Variants in PDCD2 observed in about 807,000 individuals in gnomAD.
PDCD2 encodes the protein uS5 assembly chaperone PDCD2.
PDCD2 carries 38 observed loss-of-function variants against 38.1 expected under a neutral mutation model. That is an observed-to-expected ratio of 1.00 (90% CI 0.77 to 1.31). The LOEUF (loss-of-function observed/expected upper bound fraction) is 1.31, where lower values mean the gene tolerates loss of function less well. PDCD2 is among the 50% of genes most tolerant of loss of function. The probability of loss-of-function intolerance (pLI) is 0.00; values close to 1 mark genes in which losing one functional copy is unlikely to be tolerated. For missense variants in PDCD2, 473 were observed against 435.7 expected, an observed-to-expected ratio of 1.09 and a Z score of -0.76; for synonymous variants, 205 against 168.9, an observed-to-expected ratio of 1.21 and a Z score of -1.66.
chr6:170,581,705 C>A (rs12212565), intron 3 of PDCD2: 6,576 of 163,498 alleles, frequency 0.04, 170 homozygotes, highest in Middle Eastern at 0.082. Flanking sequence ...TTTCCTTTCC[C>A]CCCAATACAC....
In PDCD2 at chr6:170,576,311, G is replaced by A. The variant is rs1031318823; in HGVS notation, c.*1248C>T. 3.3e-5 allele frequency: 5 copies of A among 152,190 alleles called. No individual in the cohort carries two copies. The highest frequency in any genetic ancestry group is 1.2e-4 in the African/African-American group (5 of 41,446). 9.4% of individuals were successfully genotyped at this position (152,190 alleles called of 1,614,324 possible). On this transcript the variant is annotated 3_prime_UTR_variant, in exon 6 of 6. Transcript: ENST00000541970. ...AACTTTTTAAATTACAAATAAAATA[G>A]CCAAGTAGACAATTACATTAGCAAG...
Position 170,577,199 on chromosome 6 carries a change from C to A in PDCD2, c.*360G>T. The A allele has an allele frequency of 6.1e-6, 1 of 163,608 alleles. No individual in the cohort carries two copies. Among genetic ancestry groups the A allele is most frequent in the Non-Finnish European group, 1.3e-5 (1 of 75,642 alleles). 10.1% of individuals were successfully genotyped at this position (163,608 alleles called of 1,614,324 possible). On this transcript the variant is annotated 3_prime_UTR_variant, in exon 6 of 6. Coordinates refer to ENST00000541970, the MANE Select transcript of PDCD2 (RefSeq NM_002598.4). ...AGTAAAAAGACCATTTTAGTTAGTCCCACCATTCGTTGGTAACCAGTTCAC... is the reference window on the plus strand; with the variant it reads ...AGTAAAAAGACCATTTTAGTTAGTCACACCATTCGTTGGTAACCAGTTCAC...
chr6:170,579,833 TC>T, intron 4 of PDCD2, 168 bp downstream of exon 4: 1 of 564,296 alleles, frequency 1.8e-6, no homozygotes, highest in Non-Finnish European at 3.2e-6. Context: ...AAAACACCTT[TC>T]TACATGGCCC....
In PDCD2 at chr6:170,584,523, C is replaced by A; in HGVS notation, c.59G>T (p.Trp20Leu). ...GGGGAACTGCTCGCTGCGCAGTCGC[C>A]ACGCCGGCGCCGACTCGGCGAAGCC... is the stretch of plus-strand genomic sequence containing the variant. ...ELGFAESAPA[W>L]RLRSEQFPSK... The change falls in exon 1 of 6, where the codon TGG becomes TTG. Residue 20 changes from tryptophan (W) to leucine (L), a missense_variant. Trp to Leu is a moderately conservative substitution (Grantham distance 61, BLOSUM62 -2). Coordinates refer to ENST00000541970, the MANE Select transcript of PDCD2 (RefSeq NM_002598.4). 1 of 1,365,074 alleles carries A rather than the reference C, an allele frequency of 7.3e-7. No homozygotes were observed. Among genetic ancestry groups the A allele is most frequent in the South Asian group, 1.7e-5 (1 of 57,664 alleles). The allele number at this position is 1,365,074 out of a possible 1,614,324, so 84.6% of individuals were successfully genotyped here.
At chr6:170,583,314 T>G (rs1779674071) in intron 2 of PDCD2, 126 bp from the exon 3 acceptor site, 2 of 908,338 alleles carry the variant, frequency 2.2e-6, no homozygotes, top group South Asian at 3.5e-5. Context: ...ATAAATTAAA[T>G]GCCTATATGG....
chr6:170,583,407 T>G (rs113519860), intron 2 of PDCD2, 98 bp downstream of exon 2: 17 of 1,393,790 alleles, frequency 1.2e-5, no homozygotes, highest in Non-Finnish European at 1.7e-5. Context: ...TTTAAAGTAC[T>G]ATACCTTTCC....
rs564558091 is a variant in PDCD2, at chr6:170,578,551, A to C, written c.876+306T>G. The stretch of plus-strand genomic sequence containing the variant: ...AGGTATACATTATTTAAAATAACAA[A>C]AGTTAACAGAGGCACTAATAATAAT... On this transcript the variant is annotated intron_variant, in intron 5 of 5. Coordinates refer to ENST00000541970, the MANE Select transcript of PDCD2 (RefSeq NM_002598.4). 5.8e-6 allele frequency: 4 copies of C among 690,886 alleles called. No individual in the cohort carries two copies. The South Asian group carries it at 6.2e-5, about 11-fold the overall frequency. 42.8% of individuals were successfully genotyped at this position (690,886 alleles called of 1,614,324 possible). A position where few individuals can be genotyped will look rare whatever the true frequency, so the allele number is the denominator to read the frequency against.
chr6:170,581,975 T>A, intron 3 of PDCD2: 1 of 691,074 alleles, frequency 1.4e-6, no homozygotes, highest in Non-Finnish European at 2.2e-6. Flanking sequence ...ACAGTCACAT[T>A]TACACTAACA....
rs772112538 is a variant in PDCD2, at chr6:170,578,895, C to T, written c.838G>A (p.Asp280Asn). ...ENIPQEKDIP[D>N]CPCGAKRILE... The stretch of plus-strand genomic sequence containing the variant: ...ATTCTCTTGGCACCACAGGGGCAAT[C>T]TGGAATATCCTTTTCTTGAGGAATA... Residue 280 changes from aspartate to asparagine, a missense_variant, in exon 5 of 6, where the codon GAT (aspartate) becomes AAT (asparagine). Transcript: ENST00000541970. 5 of 1,610,730 alleles carry T rather than the reference C, an allele frequency of 3.1e-6. No homozygotes were observed. The South Asian group carries it at 5.5e-5, about 18-fold the overall frequency.
chr6:170,580,084 A>G lies in PDCD2; in HGVS notation c.680T>C (p.Leu227Pro), dbSNP rs1479429105. 6.2e-7 allele frequency: 1 copy of G among 1,609,934 alleles called. No homozygotes were observed. The highest frequency in any genetic ancestry group is 8.5e-7 in the Non-Finnish European group (1 of 1,176,822). The change falls in exon 4 of 6, where the codon CTG (leucine) becomes CCG (proline). Residue 227 changes from leucine to proline, a missense_variant. Coordinates refer to ENST00000541970, the MANE Select transcript of PDCD2 (RefSeq NM_002598.4). The part of the protein sequence containing the change: ...GSMGEALEEE[L>P]DSMAKHESRE... ...GGATTCATGTTTTGCCATGGAATCC[A>G]GTTCTTCCTCAAGTGCTTCACCTGA...
intron 3 of PDCD2, 31 bp from the exon 4 acceptor site, chr6:170,580,136 CA>C: frequency 7.7e-7 from 1 of 1,300,882 alleles, no homozygotes; most frequent in Admixed American, 1.7e-5. Context: ...TTATGAAAAA[CA>C]GGAGTAATCC....
At chr6:170,578,430 A>T (rs896640165) in intron 5 of PDCD2, 4 of 566,032 alleles carry the variant, frequency 7.1e-6, no homozygotes, top group Non-Finnish European at 9.3e-6. Context: ...GCTTATATCC[A>T]TTTTTTCTAA....
chr6:170,582,863 G>A, intron 3 of PDCD2, 194 bp downstream of exon 3: 1 of 1,395,672 alleles, frequency 7.2e-7, no homozygotes, highest in Non-Finnish European at 9.2e-7. Context: ...TTTACAGGGA[G>A]CAGAACACAC....
chr6:170,584,607 C>A lies in PDCD2; in HGVS notation c.-26G>T. 1 of 1,216,022 alleles carries A rather than the reference C, an allele frequency of 8.2e-7. No homozygotes were observed. The highest frequency in any genetic ancestry group is 1.0e-6 in the Non-Finnish European group (1 of 965,368). The allele number at this position is 1,216,022 out of a possible 1,614,324, so 75.3% of individuals were successfully genotyped here. The stretch of plus-strand genomic sequence containing the variant: ...GCGGGGCGCGGGCTGGCGTGGGGCG[C>A]AGCCCACAGCTGGGTCGGAAGGCGG... On this transcript the variant is annotated 5_prime_UTR_variant, in exon 1 of 6. Coordinates refer to ENST00000541970, the MANE Select transcript of PDCD2 (RefSeq NM_002598.4).
intron 4 of PDCD2, 164 bp downstream of exon 4, chr6:170,579,838 A>G (rs1236434377): frequency 1.2e-5 from 7 of 570,918 alleles, no homozygotes; most frequent in South Asian, 2.2e-5. Flanking sequence ...ACCTTTCTAC[A>G]TGGCCCATCT....
At chr6:170,580,650 G>A (rs1779567893) in intron 3 of PDCD2, among the ~76,000 whole-genome samples, 1 of 152,170 alleles carries the variant, frequency 6.6e-6, no homozygotes, top group Admixed American at 6.5e-5. Context: ...GGGAGGCAGA[G>A]GCTGCAGTGA....
At position 170,575,681 on chromosome 6, in the gene PDCD2, ATT is replaced by A. The variant is rs1183281355; in HGVS notation, c.*1876_*1877del. 1 of 152,072 alleles carries A rather than the reference ATT, an allele frequency of 6.6e-6. No homozygotes were observed. The highest frequency in any genetic ancestry group is 1.9e-4 in the East Asian group (1 of 5,192). The allele number at this position is 152,072 out of a possible 1,614,324, so 9.4% of individuals were successfully genotyped here. A position where few individuals can be genotyped will look rare whatever the true frequency, so the allele number is the denominator to read the frequency against. ...ACAGATGCCAAGTCGGTGCTGTGAG[ATT>A]TTCTTTCTGGTGATTTGGACCAGTT... On this transcript the variant is annotated 3_prime_UTR_variant, in exon 6 of 6. Transcript: ENST00000541970.
In PDCD2 at chr6:170,580,694, G is replaced by A. The variant is rs571343384; in HGVS notation, c.659-589C>T. ...GGTGACATTGCACTCCAGCCTGGGC[G>A]ACAGAGTGAGACTCCGTCTCAAAAA... On this transcript the variant is annotated intron_variant, in intron 3 of 5. Transcript: ENST00000541970. Among the ~76,000 whole-genome samples, 7 of 151,902 alleles carry A rather than the reference G, an allele frequency of 4.6e-5. No individual in the cohort carries two copies. In the East Asian group the frequency reaches 9.7e-4, roughly 21 times the overall value.
chr6:170,577,795 AG>A (rs1779484684), intron 5 of PDCD2, 78 bp from the exon 6 acceptor site: 3 of 1,377,618 alleles, frequency 2.2e-6, no homozygotes, highest in Non-Finnish European at 2.0e-6. Context: ...GGATGATTAT[AG>A]GGATCTTGGT....
Sources: allele counts gnomAD v4.1 joint callset (sites outside exome capture counted in the v4.1 genomes callset), GRCh38; gene constraint gnomAD v4.1.1; transcripts MANE v1.5; gene names NCBI Gene and HGNC (gene_info 2026-07-23, HGNC 2026-07-21).